The following NBPF9 variants were observed in gnomAD, a reference collection of about 807,000 sequenced individuals.
NBPF9 encodes NBPF family member NBPF9.
NBPF9 carries 91 observed loss-of-function variants against 97.8 expected under a neutral mutation model. That is an observed-to-expected ratio of 0.93 (90% CI 0.79 to 1.11). The LOEUF (loss-of-function observed/expected upper bound fraction) is 1.11. Ranked by LOEUF, NBPF9 falls within the 50% of genes least tolerant of loss-of-function variation. The pLI is 0.00. For missense variants in NBPF9, 992 were observed against 939.5 expected (o/e 1.06, Z -0.73); for synonymous variants, 334 against 359.5 (o/e 0.93, Z 0.80).
At chr1:149,076,097 T>G (rs2079843353) in intron 11 of NBPF9, among the ~76,000 whole-genome samples, 1 of 152,092 alleles carries the variant, frequency 6.6e-6, no homozygotes, top group Non-Finnish European at 1.5e-5. Context: ...TGCTTATACG[T>G]TTCTATAAAG....
intron 3 of NBPF9, among the ~76,000 whole-genome samples, chr1:149,099,526 A>G (rs645212): frequency 2.6e-5 from 4 of 152,314 alleles, no homozygotes; most frequent in Admixed American, 2.0e-4. Context: ...TGAGAATACA[A>G]TGGTGAATAA....
intron 4 of NBPF9, among the ~76,000 whole-genome samples, chr1:149,093,466 T>C (rs1268061437): frequency 2.0e-5 from 3 of 151,680 alleles, no homozygotes; most frequent in Non-Finnish European, 4.4e-5. Flanking sequence ...GGTCTTTCCC[T>C]TCCCACGAGG....
intron 5 of NBPF9, among the ~76,000 whole-genome samples, chr1:149,089,601 T>C (rs1553659609): frequency 6.6e-6 from 1 of 152,278 alleles, no homozygotes; most frequent in South Asian, 2.1e-4. Flanking sequence ...GAGGGGATGT[T>C]ATGGGGAAAC....
chr1:149,085,288 ATTGT>A (rs1242438163), intron 5 of NBPF9, among the ~76,000 whole-genome samples: 2 of 152,236 alleles, frequency 1.3e-5, no homozygotes, highest in African/African-American at 4.8e-5. Flanking sequence ...AAGTGGGCAT[ATTGT>A]TTGAGTCTGT....
At chr1:149,090,555 T>C in intron 5 of NBPF9, 198 bp downstream of exon 5, 1 of 519,586 alleles carries the variant, frequency 1.9e-6, no homozygotes, top group South Asian at 2.4e-5. Flanking sequence ...CCTAATGCAA[T>C]AAAGAATGCC....
At chr1:149,058,551 A>G (rs587607416) in intron 26 of NBPF9, 14 of 236,478 alleles carry the variant, frequency 5.9e-5, no homozygotes, top group Non-Finnish European at 7.1e-5. Context: ...GCCCTGTCTC[A>G]TCAAATGCCC....
chr1:149,088,108 G>A (rs75495839), intron 5 of NBPF9, among the ~76,000 whole-genome samples: 1 of 152,220 alleles, frequency 6.6e-6, no homozygotes, highest in Admixed American at 6.5e-5. Context: ...TGAGATTACA[G>A]GTGTGAGCCA....
intron 21 of NBPF9, among the ~76,000 whole-genome samples, chr1:149,062,540 C>G (rs1241229572): frequency 2.1e-5 from 3 of 143,074 alleles, no homozygotes; most frequent in Non-Finnish European, 3.1e-5. Context: ...AAAGGACACT[C>G]TGAGTTAGTG....
intron 3 of NBPF9, among the ~76,000 whole-genome samples, chr1:149,099,552 A>G (rs1208244642): frequency 2.0e-5 from 3 of 152,234 alleles, no homozygotes; most frequent in Non-Finnish European, 4.4e-5. Flanking sequence ...AAAATCTCAA[A>G]TTTCCAGGAG....
chr1:149,082,970 T>C (rs1275326018), intron 5 of NBPF9, among the ~76,000 whole-genome samples: 1 of 128,362 alleles, frequency 7.8e-6, no homozygotes, highest in Non-Finnish European at 1.7e-5. Context: ...TTTTTTTTTT[T>C]TTTTTTTTTT....
intron 1 of NBPF9, among the ~76,000 whole-genome samples, chr1:149,103,048 G>C (rs1445744218): frequency 1.6e-4 from 24 of 152,056 alleles, no homozygotes; most frequent in African/African-American, 5.8e-4. Context: ...CCCCTGGGAT[G>C]CCACAGAACA....
chr1:149,073,189 T>C (rs1960252), intron 13 of NBPF9, among the ~76,000 whole-genome samples: 34 of 148,114 alleles, frequency 2.3e-4, no homozygotes, highest in Non-Finnish European at 3.6e-4. Context: ...AAGTAGGTGT[T>C]TTCCTAATTC....
intron 3 of NBPF9, among the ~76,000 whole-genome samples, chr1:149,100,171 T>G (rs587743716): frequency 7.1e-6 from 1 of 140,744 alleles, no homozygotes; most frequent in Non-Finnish European, 1.5e-5. Context: ...GACAGGAAGA[T>G]TGTAAAAATT....
chr1:149,055,236 C>A (rs1319637728), exon 30 of NBPF9: 2 of 290,202 alleles, frequency 6.9e-6, no homozygotes, highest in African/African-American at 4.4e-5. Flanking sequence ...CAAGCCAACA[C>A]TGAAGACACG....
intron 23 of NBPF9, 140 bp downstream of exon 23, chr1:149,061,192 A>T: frequency 3.1e-6 from 1 of 327,866 alleles, no homozygotes; most frequent in Non-Finnish European, 5.7e-6. Context: ...ACTGCAATGA[A>T]AACCAACAGC....
exon 19 of NBPF9, chr1:149,064,441 T>C (rs2078888877): frequency 8.3e-7 from 1 of 1,202,844 alleles, no homozygotes; most frequent in African/African-American, 1.6e-5. Context: ...CTGGGACCTG[T>C]TGCCTCTTGG....
intron 5 of NBPF9, among the ~76,000 whole-genome samples, chr1:149,085,063 A>G (rs3928328): frequency 1.1e-3 from 165 of 151,962 alleles, no homozygotes; most frequent in Admixed American, 3.0e-3. Context: ...AGCTTTGCCC[A>G]CCTTTCCTTC....
chr1:149,071,037 T>A (rs1254342560), exon 16 of NBPF9: 2 of 1,611,550 alleles, frequency 1.2e-6, no homozygotes, highest in Non-Finnish European at 1.7e-6. Context: ...TTTTCCTATG[T>A]GGCTGGTTGG....
chr1:149,082,957 C>CTTTTTTTTT lies in NBPF9; in HGVS notation c.-194-536_-194-528dup, dbSNP rs1157992196. ...ACCACGCCTGGCTAATTTTTCTTTT[C>CTTTTTTTTT]TTTTTTTTTTTTTTTTTTTTTTTTT... On this transcript the variant is annotated intron_variant, in intron 5 of 29. Coordinates refer to ENST00000584027, the Ensembl canonical transcript of NBPF9. 4.7e-3 allele frequency among the ~76,000 whole-genome samples: 313 copies of CTTTTTTTTT among 66,454 alleles called. 1 individual carries two copies. The highest frequency in any genetic ancestry group is 5.8e-3 in the Admixed American group (24 of 4,152). The allele number at this position is 66,454 out of a possible 152,430, so 43.6% of individuals were successfully genotyped here. A position where few individuals can be genotyped will look rare whatever the true frequency, so the allele number is the denominator to read the frequency against.
Sources: gnomAD v4.1 joint callset for allele counts (sites outside exome capture counted in the v4.1 genomes callset) on GRCh38, gnomAD v4.1.1 for gene constraint, MANE v1.5 for transcripts, NCBI Gene and HGNC (gene_info 2026-07-23, HGNC 2026-07-21) for gene names.